The following KCNJ10 variants were observed in gnomAD, a reference collection of about 807,000 sequenced individuals.
The protein encoded by KCNJ10 is ATP-sensitive inward rectifier potassium channel 10.
In KCNJ10, 9 loss-of-function variants were observed where a neutral mutation model predicts 22.2. The observed-to-expected ratio is 0.40, with a 90% CI of 0.24 to 0.71. KCNJ10 has a LOEUF of 0.71. Ranked by LOEUF, KCNJ10 falls within the 30% of genes least tolerant of loss-of-function variation. The pLI is 0.35. For synonymous variants in KCNJ10, 184 were observed against 187.3 expected (o/e 0.98, Z 0.15); for missense variants, 337 against 482.7 (o/e 0.70, Z 2.83).
intron 1 of KCNJ10, among the ~76,000 whole-genome samples, chr1:160,044,447 A>G (rs942200795): frequency 5.9e-5 from 9 of 152,192 alleles, no homozygotes; most frequent in African/African-American, 1.7e-4. Context: ...TTCTCATTTG[A>G]TCCTCAAACT....
intron 1 of KCNJ10, among the ~76,000 whole-genome samples, chr1:160,050,067 T>C (rs542713950): frequency 6.6e-6 from 1 of 152,152 alleles, no homozygotes; most frequent in Non-Finnish European, 1.5e-5. Flanking sequence ...ACCAAATGTT[T>C]TCATCTGTAT....
At chr1:160,049,687 A>ATATATATATATATATATATATATATT (rs1557970388) in intron 1 of KCNJ10, among the ~76,000 whole-genome samples, 9 of 104,062 alleles carry the variant, frequency 8.6e-5, no homozygotes, top group African/African-American at 3.5e-4. Flanking sequence ...ATATATATAT[A>ATATATATATATATATATATATATATT]TATATATATA....
intron 1 of KCNJ10, chr1:160,062,690 T>C (rs1352293872): frequency 1.3e-5 from 2 of 152,216 alleles, no homozygotes; most frequent in East Asian, 3.9e-4. Context: ...GGCTGGGCTC[T>C]AGAAAGAAGT....
In KCNJ10 at chr1:160,041,681, A is replaced by G; in HGVS notation, c.852T>C (p.Ser284=). Residue 284 remains serine (S), a synonymous_variant, in exon 2 of 2, where the codon AGT becomes AGC. Transcript: ENST00000644903. This position sits in a 1 kb window ranked among gnomAD's most constrained non-coding sequence, Gnocchi z 4.4. ...EGDFELVLIL[S]GTVESTSATC... ...TGGCACTGGTGGACTCCACTGTCCCACTTAGGATCAGCACCAGCTCAAAGT... is the reference window on the plus strand; with the variant it reads ...TGGCACTGGTGGACTCCACTGTCCCGCTTAGGATCAGCACCAGCTCAAAGT... 1.9e-6 allele frequency: 3 copies of G among 1,614,192 alleles called. No individual in the cohort carries two copies. Among genetic ancestry groups the G allele is most frequent in the African/African-American group, 1.3e-5 (1 of 75,042 alleles).
At chr1:160,047,734 C>G (rs1356800975) in intron 1 of KCNJ10, among the ~76,000 whole-genome samples, 4 of 152,110 alleles carry the variant, frequency 2.6e-5, no homozygotes, top group Non-Finnish European at 5.9e-5. Flanking sequence ...TTCTCTTTCC[C>G]CCACCTCACC....
At chr1:160,052,012 C>T (rs1466632875) in intron 1 of KCNJ10, among the ~76,000 whole-genome samples, 2 of 152,258 alleles carry the variant, frequency 1.3e-5, no homozygotes, top group East Asian at 1.9e-4. Context: ...TCATAACTCT[C>T]GCCTTCAAAT....
At chr1:160,067,541 C>T (rs1320899537) in intron 1 of KCNJ10, among the ~76,000 whole-genome samples, 1 of 152,214 alleles carries the variant, frequency 6.6e-6, no homozygotes, top group African/African-American at 2.4e-5. Flanking sequence ...TCCTTCTCTG[C>T]CCCCTTCCAG....
chr1:160,042,040 A>C lies in KCNJ10; in HGVS notation c.493T>G (p.Phe165Val), dbSNP rs966172639. The change falls in exon 2 of 2, where the codon TTC becomes GTC. Residue 165 changes from phenylalanine (F) to valine (V), a missense_variant. Coordinates refer to ENST00000644903, the MANE Select transcript of KCNJ10 (RefSeq NM_002241.5). ...TTGGGCCGGGCAATCTTCGCCAGGA[A>C]GGTACCTGTGATGAAGATTTCCAGG... Reference protein sequence around the residue: ...TILEIFITGTFLAKIARPKKR... With the variant: ...TILEIFITGTVLAKIARPKKR... The C allele has an allele frequency of 1.3e-6, 2 of 1,559,530 alleles. No homozygotes were observed. The highest frequency in any genetic ancestry group is 4.5e-5 in the East Asian group (2 of 44,450).
chr1:160,064,160 AG>A (rs1283077025), intron 1 of KCNJ10, among the ~76,000 whole-genome samples: 1 of 152,224 alleles, frequency 6.6e-6, no homozygotes, highest in East Asian at 1.9e-4. Flanking sequence ...CTGTCTTCTA[AG>A]GTTCCTCTAG....
Position 160,041,373 on chromosome 1 carries a change from G to A in KCNJ10, c.*20C>T. ...AGAGAGGAAAAGAGACCAGAGGAAT[G>A]GGGGAGTGGGAACAGGTCATCAGAC... is the stretch of plus-strand genomic sequence containing the variant. On this transcript the variant is annotated 3_prime_UTR_variant, in exon 2 of 2. Coordinates refer to ENST00000644903, the MANE Select transcript of KCNJ10 (RefSeq NM_002241.5). The surrounding 1 kb of genome is among the most constrained non-coding windows in gnomAD (Gnocchi z 4.4). The A allele has an allele frequency of 3.1e-6, 5 of 1,607,456 alleles. No individual in the cohort carries two copies. The highest frequency in any genetic ancestry group is 8.5e-7 in the Non-Finnish European group (1 of 1,176,564).
Position 160,038,696 on chromosome 1 carries a change from GTTTC to G in KCNJ10, c.*2693_*2696del, listed in dbSNP as rs1488674228. The G allele has an allele frequency of 5.9e-5, 9 of 151,986 alleles. No homozygotes were observed. Among genetic ancestry groups the G allele is most frequent in the East Asian group, 5.8e-4 (3 of 5,182 alleles). The allele number at this position is 151,986 out of a possible 1,614,324, so 9.4% of individuals were successfully genotyped here. ...ATCTTTCTATATATATATTATCTCT[GTTTC>G]TTTCTTCTTAGATAAACCTTTCATA... On this transcript the variant is annotated 3_prime_UTR_variant, in exon 2 of 2. Transcript: ENST00000644903.
At chr1:160,042,597 C>T (rs551154322) in intron 1 of KCNJ10, 65 bp from the exon 2 acceptor site, 27 of 1,350,344 alleles carry the variant, frequency 2.0e-5, no homozygotes, top group African/African-American at 5.7e-5. Context: ...TAACCCTCAC[C>T]CCATGGGAGG....
intron 1 of KCNJ10, among the ~76,000 whole-genome samples, chr1:160,054,388 T>C (rs1192233355): frequency 6.6e-6 from 1 of 152,158 alleles, no homozygotes; most frequent in African/African-American, 2.4e-5. Flanking sequence ...CCTGGCCCCA[T>C]CTGGGTCCTC....
chr1:160,068,428 G>C (rs866489266), intron 1 of KCNJ10, among the ~76,000 whole-genome samples: 1 of 152,208 alleles, frequency 6.6e-6, no homozygotes, highest in Middle Eastern at 3.4e-3. Context: ...GCTTTGGGAG[G>C]CTGGACCAGC....
Position 160,041,320 on chromosome 1 carries a change from G to A in KCNJ10, c.*73C>T, listed in dbSNP as rs184428585. ...GCTTCGGGGGATCTCCAGTAAACCC[G>A]GGTAGTATTCCTTACCAGGGCATTG... On this transcript the variant is annotated 3_prime_UTR_variant, in exon 2 of 2. Coordinates refer to ENST00000644903, the MANE Select transcript of KCNJ10 (RefSeq NM_002241.5). This position sits in a 1 kb window ranked among gnomAD's most constrained non-coding sequence, Gnocchi z 4.4. 2.9e-4 allele frequency: 413 copies of A among 1,427,124 alleles called. 1 individual carries two copies. The highest frequency in any genetic ancestry group is 3.7e-4 in the Non-Finnish European group (381 of 1,027,150). The allele number at this position is 1,427,124 out of a possible 1,614,324, so 88.4% of individuals were successfully genotyped here.
chr1:160,041,079 T>A lies in KCNJ10; in HGVS notation c.*314A>T, dbSNP rs1648587875. ...GGGGCAGTCTATCCTTCCAACCACA[T>A]GGTCCTCCTAATGTGAGTATCCAAG... On this transcript the variant is annotated 3_prime_UTR_variant, in exon 2 of 2. Transcript: ENST00000644903. The surrounding 1 kb of genome is among the most constrained non-coding windows in gnomAD (Gnocchi z 4.4). 2.3e-6 allele frequency: 1 copy of A among 427,988 alleles called. No individual in the cohort carries two copies. The highest frequency in any genetic ancestry group is 4.4e-5 in the East Asian group (1 of 22,830). The allele number at this position is 427,988 out of a possible 1,614,324, so 26.5% of individuals were successfully genotyped here. A position where few individuals can be genotyped will look rare whatever the true frequency, so the allele number is the denominator to read the frequency against.
chr1:160,058,338 C>G (rs970999615), intron 1 of KCNJ10, among the ~76,000 whole-genome samples: 6 of 152,204 alleles, frequency 3.9e-5, no homozygotes, highest in African/African-American at 1.4e-4. Context: ...TCTCCCTACT[C>G]TCTACAATGA....
Position 160,040,243 on chromosome 1 carries a change from C to G in KCNJ10, c.*1150G>C, listed in dbSNP as rs979731977. The G allele has an allele frequency of 3.2e-6, 1 of 313,662 alleles. No individual in the cohort carries two copies. The highest frequency in any genetic ancestry group is 5.8e-6 in the Non-Finnish European group (1 of 172,846). 19.4% of individuals were successfully genotyped at this position (313,662 alleles called of 1,614,324 possible). ...CTGCCCAAACCTTAACAAAGCATCA[C>G]CAATTCTCAGAGGCTCTGTACAGCA... On this transcript the variant is annotated 3_prime_UTR_variant, in exon 2 of 2. Coordinates refer to ENST00000644903, the MANE Select transcript of KCNJ10 (RefSeq NM_002241.5).
At chr1:160,059,334 G>C (rs965306520) in intron 1 of KCNJ10, among the ~76,000 whole-genome samples, 2 of 152,136 alleles carry the variant, frequency 1.3e-5, no homozygotes, top group Admixed American at 1.3e-4. Flanking sequence ...CTAGAAGAGG[G>C]GGGTAACTTT....
Sources: allele counts gnomAD v4.1 joint callset (sites outside exome capture counted in the v4.1 genomes callset), GRCh38; gene constraint gnomAD v4.1.1; non-coding constraint Gnocchi (gnomAD v3.1); transcripts MANE v1.5; gene names NCBI Gene and HGNC (gene_info 2026-07-23, HGNC 2026-07-21).